ADAMTS3: variants seen among roughly 807,000 people sequenced by gnomAD.
The protein encoded by ADAMTS3 is A disintegrin and metalloproteinase with thrombospondin motifs 3.
Under a neutral mutation model 129.0 loss-of-function variants are expected in ADAMTS3, and 73 were observed. The observed-to-expected ratio is 0.57, with a 90% CI of 0.47 to 0.69. ADAMTS3 has a LOEUF of 0.69. Ranked by LOEUF, ADAMTS3 falls within the 30% of genes least tolerant of loss-of-function variation. The probability of loss-of-function intolerance (pLI) is 0.00; values close to 1 mark genes in which losing one functional copy is unlikely to be tolerated. For missense variants in ADAMTS3, 1,457 were observed against 1,514.5 expected, an observed-to-expected ratio of 0.96 and a Z score of 0.63; for synonymous variants, 477 against 510.8, an observed-to-expected ratio of 0.93 and a Z score of 0.89.
chr4:72,291,754 G>C (rs1718676372), intron 19 of ADAMTS3, among the ~76,000 whole-genome samples: 1 of 151,932 alleles, frequency 6.6e-6, no homozygotes, highest in South Asian at 2.1e-4. Flanking sequence ...ATAGTCCTTT[G>C]GGTATATACC....
chr4:72,533,629 A>G (rs1247731663), intron 3 of ADAMTS3, among the ~76,000 whole-genome samples: 1 of 152,014 alleles, frequency 6.6e-6, no homozygotes, highest in East Asian at 1.9e-4. Context: ...ATACATATAT[A>G]TGTATATGCA....
intron 18 of ADAMTS3, among the ~76,000 whole-genome samples, chr4:72,297,904 C>G (rs1169999792): frequency 6.6e-6 from 1 of 152,042 alleles, no homozygotes; most frequent in Admixed American, 6.6e-5. Flanking sequence ...GTTATTAACT[C>G]TGGTAGAAAT....
intron 10 of ADAMTS3, among the ~76,000 whole-genome samples, chr4:72,316,921 C>A (rs1177668708): frequency 6.6e-6 from 1 of 151,992 alleles, no homozygotes; most frequent in Non-Finnish European, 1.5e-5. Context: ...ATAAGTAAGA[C>A]AGCAACAGCA....
chr4:72,458,900 C>A (rs1718693181), intron 3 of ADAMTS3, among the ~76,000 whole-genome samples: 1 of 151,448 alleles, frequency 6.6e-6, no homozygotes, highest in Non-Finnish European at 1.5e-5. Context: ...CTGGTGACCA[C>A]AAAAATGACC....
At chr4:72,484,002 A>G (rs1347630702) in intron 3 of ADAMTS3, among the ~76,000 whole-genome samples, 1 of 152,066 alleles carries the variant, frequency 6.6e-6, no homozygotes, top group African/African-American at 2.4e-5. Flanking sequence ...CGGGTGACAG[A>G]GCAGGACTCC....
intron 1 of ADAMTS3, among the ~76,000 whole-genome samples, chr4:72,568,199 G>C (rs572793655): frequency 1.3e-5 from 2 of 152,034 alleles, no homozygotes; most frequent in African/African-American, 2.4e-5. Context: ...CTCCCTGTCC[G>C]GCCCAAGGAC....
At chr4:72,482,651 G>T (rs1294738687) in intron 3 of ADAMTS3, among the ~76,000 whole-genome samples, 1 of 152,072 alleles carries the variant, frequency 6.6e-6, no homozygotes, top group Non-Finnish European at 1.5e-5. Context: ...GGATGTTATT[G>T]AGGGAAACAG....
intron 21 of ADAMTS3, among the ~76,000 whole-genome samples, chr4:72,287,243 A>G (rs1041413145): frequency 1.3e-5 from 2 of 152,102 alleles, no homozygotes; most frequent in African/African-American, 4.8e-5. Context: ...TTCTAGACTT[A>G]GAACTCTGAG....
chr4:72,368,887 C>G (rs1174259850), intron 4 of ADAMTS3, among the ~76,000 whole-genome samples: 1 of 152,118 alleles, frequency 6.6e-6, no homozygotes, highest in East Asian at 1.9e-4. Flanking sequence ...GGTATTATTT[C>G]CCCCCTTTTG....
chr4:72,511,426 C>T (rs1480926507), intron 3 of ADAMTS3, among the ~76,000 whole-genome samples: 2 of 152,218 alleles, frequency 1.3e-5, no homozygotes, highest in East Asian at 3.9e-4. Context: ...GGAAAAAAAT[C>T]TAATAACCTG....
intron 4 of ADAMTS3, among the ~76,000 whole-genome samples, chr4:72,403,176 T>G (rs1578650371): frequency 6.6e-6 from 1 of 152,224 alleles, no homozygotes; most frequent in East Asian, 1.9e-4. Flanking sequence ...CTAAAACAGA[T>G]GATCTCTCTA....
chr4:72,456,261 T>TTTATATATA (rs1718607910), intron 3 of ADAMTS3, among the ~76,000 whole-genome samples: 2 of 144,254 alleles, frequency 1.4e-5, no homozygotes, highest in African/African-American at 5.3e-5. Context: ...GTATATATAC[T>TTTATATATA]GTATATACTA....
intron 3 of ADAMTS3, among the ~76,000 whole-genome samples, chr4:72,491,913 T>C (rs1719755949): frequency 6.6e-6 from 1 of 151,788 alleles, no homozygotes. Context: ...TGTTGGCAGA[T>C]TTTTCATTAC....
At position 72,567,757 on chromosome 4, in the gene ADAMTS3, A is replaced by G. The variant is rs145289177; in HGVS notation, c.70-356T>C. On this transcript the variant is annotated intron_variant, in intron 1 of 21. Coordinates refer to ENST00000286657, the MANE Select transcript of ADAMTS3 (RefSeq NM_014243.3). ...AATACACCTAACAGGGGGCCTGATT[A>G]ATCAGATTTAAGGTCAGGAATCAAC... 2.5e-3 allele frequency among the ~76,000 whole-genome samples: 382 copies of G among 152,382 alleles called. 1 individual carries two copies. Among genetic ancestry groups the G allele is most frequent in the African/African-American group, 8.8e-3 (364 of 41,594 alleles).
At chr4:72,550,971 T>C (rs1721631513) in intron 2 of ADAMTS3, among the ~76,000 whole-genome samples, 1 of 152,084 alleles carries the variant, frequency 6.6e-6, no homozygotes, top group Non-Finnish European at 1.5e-5. Flanking sequence ...CCAGTTGAAT[T>C]TGTTTGATGC....
chr4:72,328,995 A>T (rs79643093), intron 5 of ADAMTS3, among the ~76,000 whole-genome samples: 1 of 151,962 alleles, frequency 6.6e-6, no homozygotes, highest in Non-Finnish European at 1.5e-5. Context: ...CAATCTGCCA[A>T]CTCTTCCCTC....
intron 4 of ADAMTS3, among the ~76,000 whole-genome samples, chr4:72,394,444 C>T (rs2109897622): frequency 6.6e-6 from 1 of 152,342 alleles, no homozygotes; most frequent in African/African-American, 2.4e-5. Flanking sequence ...TACACCATGT[C>T]TGACAAAGAA....
At chr4:72,539,700 T>C (rs1460957670) in intron 3 of ADAMTS3, among the ~76,000 whole-genome samples, 1 of 152,052 alleles carries the variant, frequency 6.6e-6, no homozygotes, top group African/African-American at 2.4e-5. Flanking sequence ...GACTGAATTA[T>C]GGGGGTGGGT....
At chr4:72,364,186 C>A (rs935020894) in intron 4 of ADAMTS3, among the ~76,000 whole-genome samples, 2 of 151,962 alleles carry the variant, frequency 1.3e-5, no homozygotes, top group Non-Finnish European at 1.5e-5. Flanking sequence ...AAACACAGAA[C>A]CATGCATGCA....
Sources: gnomAD v4.1 joint callset for allele counts (sites outside exome capture counted in the v4.1 genomes callset) on GRCh38, gnomAD v4.1.1 for gene constraint, MANE v1.5 for transcripts, NCBI Gene and HGNC (gene_info 2026-07-23, HGNC 2026-07-21) for gene names.